The following LHFPL4 variants were observed in gnomAD, a reference collection of about 807,000 sequenced individuals.
LHFPL4 encodes LHFPL tetraspan subfamily member 4.
Under a neutral mutation model 20.0 loss-of-function variants are expected in LHFPL4, and 6 were observed. That is an observed-to-expected ratio of 0.30 (90% CI 0.16 to 0.59). The LOEUF is 0.59. Ranked by LOEUF, LHFPL4 falls within the 20% of genes least tolerant of loss-of-function variation. The probability of loss-of-function intolerance (pLI) is 0.88; values close to 1 mark genes in which losing one functional copy is unlikely to be tolerated. For missense variants in LHFPL4, 215 were observed against 331.2 expected (o/e 0.65, Z 2.72); for synonymous variants, 129 against 143.8 (o/e 0.90, Z 0.74).
At chr3:9,516,403 G>A (rs1265667295) in intron 2 of LHFPL4, among the ~76,000 whole-genome samples, 3 of 151,908 alleles carry the variant, frequency 2.0e-5, no homozygotes, top group African/African-American at 7.3e-5. Flanking sequence ...ATTTATGTGG[G>A]TCTGTTTCTG....
chr3:9,526,657 A>G (rs1412142661), intron 2 of LHFPL4, among the ~76,000 whole-genome samples: 1 of 152,224 alleles, frequency 6.6e-6, no homozygotes, highest in East Asian at 1.9e-4. Flanking sequence ...GTACCTGCAG[A>G]TATAATTAAG....
chr3:9,519,522 C>T (rs2046324752), intron 2 of LHFPL4, among the ~76,000 whole-genome samples: 1 of 152,132 alleles, frequency 6.6e-6, no homozygotes, highest in Non-Finnish European at 1.5e-5. Context: ...TTCAATTCAC[C>T]TGATGCTCTA....
chr3:9,501,512 C>T lies in LHFPL4; in HGVS notation c.*699G>A, dbSNP rs948075669. 3 of 152,648 alleles carry T rather than the reference C, an allele frequency of 2.0e-5. No homozygotes were observed. Among genetic ancestry groups the T allele is most frequent in the Non-Finnish European group, 4.4e-5 (3 of 68,446 alleles). The allele number at this position is 152,648 out of a possible 1,614,324, so 9.5% of individuals were successfully genotyped here. On this transcript the variant is annotated 3_prime_UTR_variant, in exon 4 of 4. Coordinates refer to ENST00000287585, the MANE Select transcript of LHFPL4 (RefSeq NM_198560.3). ...GCTTCTAAGCTCCAACTGCCGAGGC[C>T]ACGTACCCCCTCCCGCTACCTCCAG...
At chr3:9,532,468 G>A (rs2046415994) in intron 2 of LHFPL4, among the ~76,000 whole-genome samples, 1 of 152,120 alleles carries the variant, frequency 6.6e-6, no homozygotes, top group Non-Finnish European at 1.5e-5. Flanking sequence ...AGCCTCCCCA[G>A]TAGCTGGGAC....
chr3:9,524,637 C>T (rs1333634984), intron 2 of LHFPL4, among the ~76,000 whole-genome samples: 1 of 152,126 alleles, frequency 6.6e-6, no homozygotes, highest in Non-Finnish European at 1.5e-5. Context: ...GCTTACGTTG[C>T]CCATCTGTTC....
intron 2 of LHFPL4, among the ~76,000 whole-genome samples, chr3:9,531,730 A>T (rs2046410049): frequency 6.6e-6 from 1 of 151,964 alleles, no homozygotes; most frequent in African/African-American, 2.4e-5. Flanking sequence ...GAACCCGGGA[A>T]CGGGAGGCTG....
intron 2 of LHFPL4, among the ~76,000 whole-genome samples, chr3:9,543,229 T>C (rs896540135): frequency 1.4e-4 from 21 of 152,204 alleles, no homozygotes; most frequent in African/African-American, 4.6e-4. Context: ...CGGCCGGGCA[T>C]GGTGGCTCAC....
chr3:9,515,904 G>C (rs1368531264), intron 2 of LHFPL4, among the ~76,000 whole-genome samples: 2 of 151,872 alleles, frequency 1.3e-5, no homozygotes, highest in Non-Finnish European at 2.9e-5. Context: ...TAGTAAAGAT[G>C]GGGTTTTGCC....
In LHFPL4 at chr3:9,502,327, AGAGAGAGAAG is replaced by A; in HGVS notation, c.644-26_644-17del. 1 of 1,551,472 alleles carries A rather than the reference AGAGAGAGAAG, an allele frequency of 6.4e-7. No individual in the cohort carries two copies. The highest frequency in any genetic ancestry group is 8.9e-7 in the Non-Finnish European group (1 of 1,123,276). On this transcript the variant is annotated splice_polypyrimidine_tract_variant and intron_variant, in intron 3 of 3. Coordinates refer to ENST00000287585, the MANE Select transcript of LHFPL4 (RefSeq NM_198560.3). ...CCCACAAAATCTAAGAGAGAGAGAG[AGAGAGAGAAG>A]GAGAGAGAATTAGAGAAAGTCAGAG... is the stretch of plus-strand genomic sequence containing the variant.
chr3:9,545,891 A>G (rs1456011626), intron 2 of LHFPL4, among the ~76,000 whole-genome samples: 1 of 152,168 alleles, frequency 6.6e-6, no homozygotes, highest in Non-Finnish European at 1.5e-5. Context: ...CCTGGACAAC[A>G]GAGCCAGACT....
intron 3 of LHFPL4, among the ~76,000 whole-genome samples, chr3:9,504,869 T>C (rs2046206201): frequency 6.6e-6 from 1 of 151,258 alleles, no homozygotes; most frequent in African/African-American, 2.4e-5. Context: ...GTTTAAACAA[T>C]ACATTGCTTA....
In LHFPL4 at chr3:9,548,826, G is replaced by A. The variant is rs376482595; in HGVS notation, c.406+3448C>T. Among the ~76,000 whole-genome samples, 133 of 152,288 alleles carry A rather than the reference G, an allele frequency of 8.7e-4. 1 individual carries two copies. In the South Asian group the frequency reaches 8.9e-3, roughly 10 times the overall value. On this transcript the variant is annotated intron_variant, in intron 2 of 3. Coordinates refer to ENST00000287585, the MANE Select transcript of LHFPL4 (RefSeq NM_198560.3). ...AATTAAGAGGTGGACACTTGACCAA[G>A]CTGGGCCAATCTGGCTCAGCCCTGG... is the stretch of plus-strand genomic sequence containing the variant.
rs1023866154 is a variant in LHFPL4, at chr3:9,506,276, G to T, written c.407-73C>A. On this transcript the variant is annotated intron_variant, in intron 2 of 3. Transcript: ENST00000287585. This position sits in a 1 kb window ranked among gnomAD's most constrained non-coding sequence, Gnocchi z 4.5. ...AAAAGACCATTACTCGCTAGTGTCCGCAGTCTGGGCCCCACCCTATTGAGG... is the reference window on the plus strand; with the variant it reads ...AAAAGACCATTACTCGCTAGTGTCCTCAGTCTGGGCCCCACCCTATTGAGG... 15 of 1,182,588 alleles carry T rather than the reference G, an allele frequency of 1.3e-5. No individual in the cohort carries two copies. In the African/African-American group the frequency reaches 1.9e-4, roughly 15 times the overall value. The allele number at this position is 1,182,588 out of a possible 1,614,324, so 73.3% of individuals were successfully genotyped here.
intron 2 of LHFPL4, among the ~76,000 whole-genome samples, chr3:9,509,153 C>T (rs993203983): frequency 1.3e-5 from 2 of 152,126 alleles, no homozygotes; most frequent in Non-Finnish European, 2.9e-5. Flanking sequence ...TTTTGCTTTC[C>T]GCCTGCACGT....
rs111249302 is a variant in LHFPL4 at position 9,531,671 on chromosome 3, C to T, written c.406+20603G>A. Among the ~76,000 whole-genome samples the T allele has an allele frequency of 4.4e-3, 664 of 152,114 alleles. 3 individuals carry two copies. The highest frequency in any genetic ancestry group is 0.015 in the African/African-American group (628 of 41,514). On this transcript the variant is annotated intron_variant, in intron 2 of 3. Coordinates refer to ENST00000287585, the MANE Select transcript of LHFPL4 (RefSeq NM_198560.3). ...ACAAACATTAGCCAGGTGTGTGGTG[C>T]GCACCTGTAATCACAGCTACTTGGG... is the stretch of plus-strand genomic sequence containing the variant.
intron 2 of LHFPL4, among the ~76,000 whole-genome samples, chr3:9,533,565 G>C (rs539322599): frequency 6.6e-6 from 1 of 152,178 alleles, no homozygotes; most frequent in Non-Finnish European, 1.5e-5. Context: ...GGCGGATCAC[G>C]AGGTCAGGAG....
chr3:9,516,739 G>T (rs1287984278), intron 2 of LHFPL4, among the ~76,000 whole-genome samples: 1 of 150,788 alleles, frequency 6.6e-6, no homozygotes. Context: ...CTCTCAAAGT[G>T]CTGGGATTAC....
chr3:9,528,819 T>C (rs937419630), intron 2 of LHFPL4, among the ~76,000 whole-genome samples: 1 of 151,968 alleles, frequency 6.6e-6, no homozygotes, highest in African/African-American at 2.4e-5. Flanking sequence ...TTCACCGTGT[T>C]AGCCAGGCTC....
Position 9,506,319 on chromosome 3 carries a change from C to T in LHFPL4, c.407-116G>A, listed in dbSNP as rs531557155. ...TATTGAGGGCACATCAACCCAACCA[C>T]GTGCTTGTTACCCACTTCCACAGAG... On this transcript the variant is annotated intron_variant, in intron 2 of 3. Transcript: ENST00000287585. This position sits in a 1 kb window ranked among gnomAD's most constrained non-coding sequence, Gnocchi z 4.5. 18 of 761,428 alleles carry T rather than the reference C, an allele frequency of 2.4e-5. No homozygotes were observed. The East Asian group carries it at 2.7e-4, about 12-fold the overall frequency. The allele number at this position is 761,428 out of a possible 1,614,324, so 47.2% of individuals were successfully genotyped here.
Sources: allele counts gnomAD v4.1 joint callset (sites outside exome capture counted in the v4.1 genomes callset), GRCh38; gene constraint gnomAD v4.1.1; non-coding constraint Gnocchi (gnomAD v3.1); transcripts MANE v1.5; gene names NCBI Gene and HGNC (gene_info 2026-07-23, HGNC 2026-07-21).